GREB1: variants seen among roughly 807,000 people sequenced by gnomAD.
The protein encoded by GREB1 is protein GREB1.
GREB1 carries 106 observed loss-of-function variants against 200.7 expected under a neutral mutation model. The ratio of observed to expected loss-of-function variants is 0.53; its 90% CI spans 0.45 to 0.62. GREB1 has a LOEUF of 0.62. Among genes scored for constraint, GREB1 ranks in the 20% least tolerant of loss-of-function variants. The pLI is 0.00. For synonymous variants in GREB1, 1,132 were observed against 1,092.4 expected (o/e 1.04, Z -0.72); for missense variants, 2,243 against 2,556.8 (o/e 0.88, Z 2.65).
rs546376807 is a variant in GREB1, at chr2:11,504,831, C to CATTG, written c.-159+22452_-159+22455dup. On this transcript the variant is annotated intron_variant, in intron 1 of 2. Coordinates refer to the GREB1 transcript ENST00000628795. The stretch of plus-strand genomic sequence containing the variant: ...TTTTTGTTTTCATTCCTACACTATT[C>CATTG]ATTGAGCCCTTTCTTGTGCCAGACA... Among the ~76,000 whole-genome samples, 16 of 152,354 alleles carry CATTG rather than the reference C, an allele frequency of 1.1e-4. No individual in the cohort carries two copies. In the South Asian group the frequency reaches 3.3e-3, roughly 32 times the overall value.
chr2:11,573,809 G>T (rs1472538630), intron 4 of GREB1, among the ~76,000 whole-genome samples: 15 of 152,340 alleles, frequency 9.8e-5, no homozygotes, highest in African/African-American at 3.6e-4. Context: ...CATCCCAGCG[G>T]AGGAGATGGA....
chr2:11,580,962 G>C lies in GREB1; in HGVS notation c.901+130G>C. 1 of 1,170,610 alleles carries C rather than the reference G, an allele frequency of 8.5e-7. No individual in the cohort carries two copies. The highest frequency in any genetic ancestry group is 1.3e-6 in the Non-Finnish European group (1 of 795,764). The allele number at this position is 1,170,610 out of a possible 1,614,324, so 72.5% of individuals were successfully genotyped here. ...TCTGATGTGGCTTCCATGAGAGTCAGGCCAGGACCACAGGTGCCTCCTGAG... is the reference window on the plus strand; with the variant it reads ...TCTGATGTGGCTTCCATGAGAGTCACGCCAGGACCACAGGTGCCTCCTGAG... On this transcript the variant is annotated intron_variant, in intron 7 of 32. Coordinates refer to ENST00000381486, the MANE Select transcript of GREB1 (RefSeq NM_014668.4). This position sits in a 1 kb window ranked among gnomAD's most constrained non-coding sequence, Gnocchi z 4.5.
intron 4 of GREB1, among the ~76,000 whole-genome samples, chr2:11,573,777 A>T (rs980172719): frequency 3.3e-5 from 5 of 152,206 alleles, no homozygotes; most frequent in Non-Finnish European, 5.9e-5. Flanking sequence ...TTTCTGAATC[A>T]CAAAGGGCTC....
rs1194597668 is a variant in GREB1 at position 11,610,732 on chromosome 2, T to C, written c.2711T>C (p.Val904Ala). The C allele has an allele frequency of 6.2e-6, 10 of 1,613,340 alleles. No individual in the cohort carries two copies. Among genetic ancestry groups the C allele is most frequent in the Non-Finnish European group, 8.5e-7 (1 of 1,180,026 alleles). The change falls in exon 18 of 33, where the codon GTG becomes GCG. Residue 904 changes from valine to alanine, a missense_variant. By Grantham distance (64) the Val-to-Ala change is moderately conservative (BLOSUM62 0). Coordinates refer to ENST00000381486, the MANE Select transcript of GREB1 (RefSeq NM_014668.4). ...GCGGTGATCAGGACCTTTGTTCTCG[T>C]GCAGCACTACGCGGCCGCCCTGATG... ...HSAVIRTFVL[V>A]QHYAAALMAV...
Position 11,612,592 on chromosome 2 carries a change from A to G in GREB1, c.3104A>G (p.His1035Arg), listed in dbSNP as rs769164221. 1.9e-6 allele frequency: 3 copies of G among 1,610,928 alleles called. No homozygotes were observed. The highest frequency in any genetic ancestry group is 2.5e-6 in the Non-Finnish European group (3 of 1,178,566). Residue 1035 changes from histidine to arginine, a missense_variant, in exon 19 of 33, where the codon CAT becomes CGT. His to Arg is a conservative substitution (Grantham distance 29). Transcript: ENST00000381486. ...CILIFSGMDP[H>R]GESLPRSLRY... ...CTGATCTTCAGTGGGATGGACCCGCATGGGGAGTCCTTGCCGAGGTGAGTG... is the reference window on the plus strand; with the variant it reads ...CTGATCTTCAGTGGGATGGACCCGCGTGGGGAGTCCTTGCCGAGGTGAGTG...
chr2:11,630,457 G>A (rs923922703), intron 26 of GREB1, among the ~76,000 whole-genome samples: 3 of 152,162 alleles, frequency 2.0e-5, no homozygotes, highest in Non-Finnish European at 4.4e-5. Flanking sequence ...ACAGGAGCTG[G>A]GTAGACGTTC....
At chr2:11,566,204 A>G (rs994776316) in intron 3 of GREB1, among the ~76,000 whole-genome samples, 1 of 151,960 alleles carries the variant, frequency 6.6e-6, no homozygotes. Flanking sequence ...TTTTTAGTAG[A>G]TGGGGTTTCA....
intron 17 of GREB1, among the ~76,000 whole-genome samples, chr2:11,604,171 C>A (rs539082246): frequency 6.6e-6 from 1 of 152,190 alleles, no homozygotes; most frequent in Non-Finnish European, 1.5e-5. Flanking sequence ...TAGAAATCCA[C>A]CTTGCTGGTG....
At chr2:11,546,521 TTGAAG>T (rs1273980610) in intron 1 of GREB1, among the ~76,000 whole-genome samples, 1 of 152,224 alleles carries the variant, frequency 6.6e-6, no homozygotes, top group East Asian at 1.9e-4. Context: ...ACATACATAC[TTGAAG>T]TGAATAGGTA....
intron 7 of GREB1, 37 bp from the exon 8 acceptor site, chr2:11,585,124 T>C: frequency 8.5e-7 from 1 of 1,171,208 alleles, no homozygotes; most frequent in South Asian, 1.5e-5. Context: ...AGCCCTGTCC[T>C]GGTGATAGCC....
intron 19 of GREB1, among the ~76,000 whole-genome samples, chr2:11,613,205 C>T (rs746806480): frequency 6.0e-4 from 91 of 152,148 alleles, no homozygotes; most frequent in Admixed American, 3.5e-3. Context: ...TGTGGGGGGT[C>T]TCTAGGCCAC....
chr2:11,598,559 C>CT, intron 14 of GREB1, 121 bp from the exon 15 acceptor site: 1 of 856,746 alleles, frequency 1.2e-6, no homozygotes, highest in Admixed American at 2.2e-5. Context: ...TTTCCCTGCT[C>CT]TTGCATCTCT....
rs199594469 is a variant in GREB1, at chr2:11,618,962, G to A, written c.4044+43G>A. On this transcript the variant is annotated intron_variant, in intron 22 of 32. Coordinates refer to ENST00000381486, the MANE Select transcript of GREB1 (RefSeq NM_014668.4). Reference sequence around the variant, plus strand: ...CCCCAGCACAGCCCCGGACTGGGGGGGTCCTCACACTCCCATCTGGAGGGC... The same window carrying A: ...CCCCAGCACAGCCCCGGACTGGGGGAGTCCTCACACTCCCATCTGGAGGGC... 2.6e-4 allele frequency: 372 copies of A among 1,434,938 alleles called. No homozygotes were observed. The African/African-American group carries it at 4.1e-3, about 16-fold the overall frequency. 88.9% of individuals were successfully genotyped at this position (1,434,938 alleles called of 1,614,324 possible). A position where few individuals can be genotyped will look rare whatever the true frequency, so the allele number is the denominator to read the frequency against.
intron 4 of GREB1, among the ~76,000 whole-genome samples, chr2:11,572,161 G>A (rs769279957): frequency 7.2e-5 from 11 of 152,232 alleles, no homozygotes; most frequent in South Asian, 6.2e-4. Context: ...GGCCCTCTGC[G>A]CAGGGACAGT....
At chr2:11,576,619 A>G in intron 5 of GREB1, 84 bp downstream of exon 5, 18 of 1,009,318 alleles carry the variant, frequency 1.8e-5, no homozygotes, top group Non-Finnish European at 2.4e-5. Flanking sequence ...TGCTGGGGAG[A>G]GGCCCCTGCA....
At chr2:11,543,737 G>T (rs899062762) in intron 1 of GREB1, among the ~76,000 whole-genome samples, 8 of 152,154 alleles carry the variant, frequency 5.3e-5, no homozygotes, top group Admixed American at 3.3e-4. Context: ...AGTCCTGCTG[G>T]TTTTGATCTA....
At chr2:11,634,850 G>A (rs1032460078) in intron 29 of GREB1, among the ~76,000 whole-genome samples, 37 of 152,134 alleles carry the variant, frequency 2.4e-4, no homozygotes, top group African/African-American at 8.2e-4. Flanking sequence ...GCTTTGCAGC[G>A]CAGGCAGGCC....
At position 11,545,401 on chromosome 2, in the gene GREB1, G is replaced by A. The variant is rs189495887; in HGVS notation, c.-161-11053G>A. 5.1e-3 allele frequency among the ~76,000 whole-genome samples: 784 copies of A among 152,262 alleles called. 4 individuals are homozygous for A. Among genetic ancestry groups the A allele is most frequent in the Middle Eastern group, 0.031 (9 of 294 alleles). On this transcript the variant is annotated intron_variant, in intron 1 of 32. Coordinates refer to ENST00000381486, the MANE Select transcript of GREB1 (RefSeq NM_014668.4). ...CCTGCCTCAGCCTCCCAAAGTGCTGGGACTACAGGCATGAGCCACTGCACC... is the reference window on the plus strand; with the variant it reads ...CCTGCCTCAGCCTCCCAAAGTGCTGAGACTACAGGCATGAGCCACTGCACC...
intron 1 of GREB1, among the ~76,000 whole-genome samples, chr2:11,499,857 G>A (rs1672982008): frequency 6.6e-6 from 1 of 152,094 alleles, no homozygotes; most frequent in Admixed American, 6.6e-5. Context: ...ATTACTGTAA[G>A]CATTCTACTA....
Sources: allele counts gnomAD v4.1 joint callset (sites outside exome capture counted in the v4.1 genomes callset), GRCh38; gene constraint gnomAD v4.1.1; non-coding constraint Gnocchi (gnomAD v3.1); transcripts MANE v1.5; gene names NCBI Gene and HGNC (gene_info 2026-07-23, HGNC 2026-07-21).